Variants in TMPRSS15 observed in about 807,000 individuals in gnomAD.
The protein encoded by TMPRSS15 is enteropeptidase.
Under a neutral mutation model 125.3 loss-of-function variants are expected in TMPRSS15, and 128 were observed. The observed-to-expected ratio is 1.02, with a 90% confidence interval of 0.89 to 1.18. The LOEUF (loss-of-function observed/expected upper bound fraction) is 1.18. Among genes scored for constraint, TMPRSS15 ranks in the 50% most tolerant of loss-of-function variants. TMPRSS15 has a pLI of 0.00. For missense variants in TMPRSS15, 1,283 were observed against 1,212.7 expected (o/e 1.06, Z -0.86); for synonymous variants, 446 against 423.2 (o/e 1.05, Z -0.66).
At chr21:18,416,476 T>C (rs1053031069) in intron 1 of TMPRSS15, among the ~76,000 whole-genome samples, 6 of 152,048 alleles carry the variant, frequency 3.9e-5, no homozygotes, top group Non-Finnish European at 8.8e-5. Context: ...TAGAAATTTG[T>C]AGACTTACTA....
At chr21:18,277,659 C>T (rs1236934812) in intron 23 of TMPRSS15, among the ~76,000 whole-genome samples, 1 of 152,192 alleles carries the variant, frequency 6.6e-6, no homozygotes, top group Admixed American at 6.5e-5. Flanking sequence ...TGTGCTTTCT[C>T]TTATAATAGG....
chr21:18,448,626 C>T (rs1052980560), intron 1 of TMPRSS15, among the ~76,000 whole-genome samples: 2 of 151,970 alleles, frequency 1.3e-5, no homozygotes, highest in African/African-American at 4.8e-5. Flanking sequence ...GTGTATGAAA[C>T]TTGAATTTAT....
chr21:18,322,944 G>C (rs724128), intron 16 of TMPRSS15, among the ~76,000 whole-genome samples: 1 of 151,912 alleles, frequency 6.6e-6, no homozygotes, highest in Admixed American at 6.6e-5. Context: ...TCCCAGATTC[G>C]ATGATTATAA....
intron 21 of TMPRSS15, among the ~76,000 whole-genome samples, chr21:18,283,970 T>A (rs545884803): frequency 6.6e-6 from 1 of 152,310 alleles, no homozygotes; most frequent in African/African-American, 2.4e-5. Flanking sequence ...AACGTGCAGA[T>A]TAAATATACG....
chr21:18,279,817 TC>T (rs2074670414), intron 22 of TMPRSS15, among the ~76,000 whole-genome samples: 2 of 152,142 alleles, frequency 1.3e-5, no homozygotes, highest in African/African-American at 4.8e-5. Flanking sequence ...TTTTTTATTT[TC>T]CCCAATTATC....
intron 15 of TMPRSS15, among the ~76,000 whole-genome samples, chr21:18,327,713 A>G (rs556073625): frequency 1.6e-4 from 21 of 129,650 alleles, no homozygotes; most frequent in African/African-American, 6.4e-4. Context: ...TCCAAAGCAC[A>G]GTTAGATAAA....
intron 4 of TMPRSS15, among the ~76,000 whole-genome samples, chr21:18,381,913 C>A (rs908090374): frequency 1.3e-5 from 2 of 151,936 alleles, no homozygotes; most frequent in African/African-American, 2.4e-5. Context: ...ATAATCTATA[C>A]AACAAACTCC....
At chr21:18,341,750 A>G (rs2075448574) in intron 12 of TMPRSS15, among the ~76,000 whole-genome samples, 1 of 152,122 alleles carries the variant, frequency 6.6e-6, no homozygotes, top group Admixed American at 6.5e-5. Context: ...CCCCCTTATT[A>G]TGTGTTCACA....
At chr21:18,435,743 T>C (rs1291895163) in intron 1 of TMPRSS15, among the ~76,000 whole-genome samples, 1 of 152,206 alleles carries the variant, frequency 6.6e-6, no homozygotes, top group Admixed American at 6.5e-5. Context: ...AGAATTCGGC[T>C]GTGAATCCAT....
chr21:18,296,958 T>A (rs1372183916), intron 19 of TMPRSS15, among the ~76,000 whole-genome samples: 1 of 152,252 alleles, frequency 6.6e-6, no homozygotes, highest in East Asian at 1.9e-4. Context: ...TTATCTAATT[T>A]CATTTTTTAC....
At chr21:18,272,193 G>C (rs573886534) in intron 24 of TMPRSS15, among the ~76,000 whole-genome samples, 5 of 152,130 alleles carry the variant, frequency 3.3e-5, no homozygotes, top group African/African-American at 1.2e-4. Flanking sequence ...CACTGTAAAA[G>C]TGTTCCTAGT....
chr21:18,404,191 T>C (rs1172261683), upstream of TMPRSS15, among the ~76,000 whole-genome samples: 1 of 152,226 alleles, frequency 6.6e-6, no homozygotes, highest in East Asian at 1.9e-4. Flanking sequence ...CATATACATG[T>C]ATTCCTTATG....
intron 13 of TMPRSS15, among the ~76,000 whole-genome samples, chr21:18,334,804 T>C (rs1354110306): frequency 6.6e-6 from 1 of 152,174 alleles, no homozygotes. Flanking sequence ...TTGGATAATT[T>C]CCACCATCTG....
chr21:18,422,928 G>A (rs2076195226), intron 1 of TMPRSS15, among the ~76,000 whole-genome samples: 1 of 152,178 alleles, frequency 6.6e-6, no homozygotes, highest in Non-Finnish European at 1.5e-5. Flanking sequence ...ATTACTGTAG[G>A]TCTCAAATGC....
chr21:18,326,744 C>T (rs1266547207), intron 15 of TMPRSS15, among the ~76,000 whole-genome samples, 172 bp from the exon 16 acceptor site: 1 of 152,230 alleles, frequency 6.6e-6, no homozygotes, highest in African/African-American at 2.4e-5. Flanking sequence ...TTGAACACTT[C>T]TCAACAAAGC....
At chr21:18,346,105 C>G (rs958189907) in intron 10 of TMPRSS15, among the ~76,000 whole-genome samples, 2 of 151,750 alleles carry the variant, frequency 1.3e-5, no homozygotes, top group South Asian at 2.1e-4. Context: ...TAATATATAA[C>G]ATTAAATTGC....
At chr21:18,467,885 A>T (rs1390559253) in intron 1 of TMPRSS15, among the ~76,000 whole-genome samples, 2 of 152,124 alleles carry the variant, frequency 1.3e-5, no homozygotes, top group Non-Finnish European at 2.9e-5. Flanking sequence ...GACCTGAGAG[A>T]AACTGAAAGT....
At chr21:18,352,434 C>A (rs1050281193) in intron 10 of TMPRSS15, among the ~76,000 whole-genome samples, 1 of 151,976 alleles carries the variant, frequency 6.6e-6, no homozygotes, top group Non-Finnish European at 1.5e-5. Context: ...CTAAGGAATT[C>A]TTTAAAGGAA....
In TMPRSS15 at chr21:18,437,090, G is replaced by A. The variant is rs1405404057; in HGVS notation, c.11-38761C>T. Among the ~76,000 whole-genome samples, 204 of 149,224 alleles carry A rather than the reference G, an allele frequency of 1.4e-3. 6 individuals carry two copies. In the South Asian group the frequency reaches 0.044, roughly 32 times the overall value. The stretch of plus-strand genomic sequence containing the variant: ...CTTCAAACTATACTACAAGGCTACA[G>A]TAACCAAAACAGCATGGTACTGGTA... On this transcript the variant is annotated intron_variant, in intron 1 of 7. Coordinates refer to the TMPRSS15 transcript ENST00000422787.
Sources: gnomAD v4.1 joint callset for allele counts (sites outside exome capture counted in the v4.1 genomes callset) on GRCh38, gnomAD v4.1.1 for gene constraint, MANE v1.5 for transcripts, NCBI Gene and HGNC (gene_info 2026-07-23, HGNC 2026-07-21) for gene names.